ERAP1: variants seen among roughly 807,000 people sequenced by gnomAD.
ERAP1 encodes the protein adipocyte-derived leucine aminopeptidase.
A neutral mutation model predicts 103.7 loss-of-function variants in ERAP1; 86 were observed. The ratio of observed to expected loss-of-function variants is 0.83; its 90% confidence interval spans 0.70 to 0.99. The LOEUF is 0.99. Ranked by LOEUF, ERAP1 falls within the 50% of genes least tolerant of loss-of-function variation. ERAP1 has a pLI of 0.00. For synonymous variants in ERAP1, 398 were observed against 402.4 expected (o/e 0.99, Z 0.13); for missense variants, 1,009 against 1,128.4 (o/e 0.89, Z 1.52).
Position 96,775,193 on chromosome 5 carries a change from T to TATTA in ERAP1, c.*1199_*1202dup. 2.0e-6 allele frequency: 2 copies of TATTA among 985,572 alleles called. No individual in the cohort carries two copies. Among genetic ancestry groups the TATTA allele is most frequent in the Non-Finnish European group, 2.4e-6 (2 of 829,922 alleles). The allele number at this position is 985,572 out of a possible 1,614,324, so 61.1% of individuals were successfully genotyped here. ...TACCATGTTAGTAAACTGTGCTTTC[T>TATTA]ATTATTATCATCTATACATAAAACC... On this transcript the variant is annotated 3_prime_UTR_variant, in exon 19 of 19. Coordinates refer to ENST00000443439, the MANE Select transcript of ERAP1 (RefSeq NM_001040458.3).
At chr5:96,929,318 T>TA in the ERAP1 span, among the ~76,000 whole-genome samples, 3 of 152,188 alleles carry the variant, frequency 2.0e-5, no homozygotes, top group African/African-American at 7.2e-5. Flanking sequence ...AAGGCAAAAA[T>TA]AGAGTTTCTG....
At chr5:96,787,457 T>C (rs467735) in intron 11 of ERAP1, among the ~76,000 whole-genome samples, 108,595 of 151,650 alleles carry the variant, frequency 0.72, 39,442 homozygotes, top group Non-Finnish European at 0.79. Context: ...GTAGAGATGG[T>C]GTTTCACCAT....
downstream of ERAP1, chr5:96,773,890 T>TGACTTGTGGCA (rs1243102632): frequency 6.6e-6 from 1 of 152,330 alleles, no homozygotes; most frequent in East Asian, 1.9e-4. Context: ...ATGACTTAGC[T>TGACTTGTGGCA]GACTTGTGGC....
chr5:96,800,832 T>A (rs757728480), intron 3 of ERAP1, 30 bp downstream of exon 3: 23 of 1,611,988 alleles, frequency 1.4e-5, no homozygotes, highest in Non-Finnish European at 1.7e-5. Flanking sequence ...TAGATTTTCC[T>A]ATAGAAAATA....
the ERAP1 span, among the ~76,000 whole-genome samples, chr5:96,911,954 C>G: frequency 9.9e-5 from 15 of 150,860 alleles, no homozygotes; most frequent in East Asian, 2.9e-3. Context: ...CTTTGGGAGG[C>G]TGAGGCGGGC....
Position 96,775,109 on chromosome 5 carries a change from A to C in ERAP1, c.*1287T>G. ...AGTCCCTGTGTAGCAAGTTTTCAGAATAAGAAATAAAATCTAATTCTTAGG... is the reference window on the plus strand; with the variant it reads ...AGTCCCTGTGTAGCAAGTTTTCAGACTAAGAAATAAAATCTAATTCTTAGG... On this transcript the variant is annotated 3_prime_UTR_variant, in exon 19 of 19. Coordinates refer to ENST00000443439, the MANE Select transcript of ERAP1 (RefSeq NM_001040458.3). 3 of 985,570 alleles carry C rather than the reference A, an allele frequency of 3.0e-6. No individual in the cohort carries two copies. The highest frequency in any genetic ancestry group is 3.6e-6 in the Non-Finnish European group (3 of 829,942). 61.1% of individuals were successfully genotyped at this position (985,570 alleles called of 1,614,324 possible).
chr5:96,787,189 A>G (rs1230885707), intron 11 of ERAP1, among the ~76,000 whole-genome samples: 1 of 152,242 alleles, frequency 6.6e-6, no homozygotes, highest in Non-Finnish European at 1.5e-5. Flanking sequence ...TTTATAGATA[A>G]TAGTATTATA....
intron 1 of ERAP1, among the ~76,000 whole-genome samples, chr5:96,806,390 A>G (rs1205304527): frequency 6.6e-6 from 1 of 152,228 alleles, no homozygotes; most frequent in Non-Finnish European, 1.5e-5. Context: ...CTAACACTTA[A>G]AGGAATAGAA....
chr5:96,840,790 C>T, the ERAP1 span, among the ~76,000 whole-genome samples: 1 of 151,980 alleles, frequency 6.6e-6, no homozygotes, highest in East Asian at 1.9e-4. Flanking sequence ...ACTGCAACCT[C>T]CGCCTCCCGG....
chr5:96,813,409 C>T, the ERAP1 span, among the ~76,000 whole-genome samples: 3 of 152,122 alleles, frequency 2.0e-5, no homozygotes, highest in East Asian at 1.9e-4. Flanking sequence ...AATCCCAGCA[C>T]TTTGGGAGGC....
chr5:96,837,640 G>A, the ERAP1 span, among the ~76,000 whole-genome samples: 65,477 of 152,002 alleles, frequency 0.43, 14,683 homozygotes, highest in Non-Finnish European at 0.51. Flanking sequence ...GCCCCAGAAG[G>A]AATGTTACAG....
the ERAP1 span, among the ~76,000 whole-genome samples, chr5:96,843,044 C>A: frequency 6.6e-6 from 1 of 152,036 alleles, no homozygotes; most frequent in African/African-American, 2.4e-5. Context: ...ATGTTACCAG[C>A]GGAGGGTGTT....
the ERAP1 span, chr5:96,909,429 C>A: frequency 1.5e-6 from 1 of 673,112 alleles, no homozygotes; most frequent in Non-Finnish European, 2.5e-6. Context: ...TGGGTAACAG[C>A]CAGAAAAAGA....
At chr5:96,810,353 A>G (rs76124346), upstream of ERAP1, among the ~76,000 whole-genome samples, 8,711 of 152,248 alleles carry the variant, frequency 0.057, 348 homozygotes, top group South Asian at 0.14. Flanking sequence ...GAGAAAGGGT[A>G]CCTAGGTTTA....
chr5:96,789,215 G>A (rs55773007), intron 10 of ERAP1, among the ~76,000 whole-genome samples: 13,953 of 152,166 alleles, frequency 0.092, 847 homozygotes, highest in Middle Eastern at 0.16. Flanking sequence ...GGCTGGGCGC[G>A]GTGGCTCATG....
At chr5:96,896,308 A>G in the ERAP1 span, 152 of 1,297,606 alleles carry the variant, frequency 1.2e-4, no homozygotes, top group African/African-American at 2.1e-3. Flanking sequence ...TAAACCTACT[A>G]TGTTTTCTAT....
intron 5 of ERAP1, among the ~76,000 whole-genome samples, 197 bp from the exon 6 acceptor site, chr5:96,794,154 A>AGACTT (rs1488379930): frequency 6.9e-6 from 1 of 145,842 alleles, no homozygotes; most frequent in Non-Finnish European, 1.5e-5. Context: ...TGGCAAAGTC[A>AGACTT]GACTTGCATC....
exon 20 of ERAP1, chr5:96,762,085 A>T (rs1768157102): frequency 2.4e-6 from 1 of 413,194 alleles, no homozygotes; most frequent in Admixed American, 4.1e-5. Flanking sequence ...GAAATAGCAA[A>T]TTGTATAAAA....
chr5:96,896,561 T>C, the ERAP1 span: 126 of 1,573,718 alleles, frequency 8.0e-5, no homozygotes, highest in Non-Finnish European at 1.1e-4. Flanking sequence ...ATAATGACTA[T>C]AGAATCAGCA....
Sources: allele counts gnomAD v4.1 joint callset (sites outside exome capture counted in the v4.1 genomes callset), GRCh38; gene constraint gnomAD v4.1.1; transcripts MANE v1.5; gene names NCBI Gene and HGNC (gene_info 2026-07-23, HGNC 2026-07-21).